The following SLIT3 variants were observed in gnomAD, a reference collection of about 807,000 sequenced individuals.
SLIT3 encodes slit homolog 3 protein.
In SLIT3, 68 loss-of-function variants were observed where a neutral mutation model predicts 184.0. The observed-to-expected ratio is 0.37, with a 90% CI of 0.30 to 0.45. SLIT3 has a LOEUF of 0.45. Among genes scored for constraint, SLIT3 ranks in the 20% least tolerant of loss-of-function variants. The probability of loss-of-function intolerance (pLI) is 1.00; values close to 1 mark genes in which losing one functional copy is unlikely to be tolerated. For missense variants in SLIT3, 1,707 were observed against 2,026.0 expected (o/e 0.84, Z 3.02); for synonymous variants, 831 against 828.6 (o/e 1.00, Z -0.05).
intron 4 of SLIT3, among the ~76,000 whole-genome samples, chr5:169,146,464 T>G (rs1293925211): frequency 6.6e-6 from 1 of 152,176 alleles, no homozygotes. Flanking sequence ...TCACTTCATT[T>G]CCCCTGGTTC....
intron 16 of SLIT3, 107 bp from the exon 17 acceptor site, chr5:168,754,114 A>AGACT: frequency 1.7e-6 from 2 of 1,178,120 alleles, no homozygotes; most frequent in African/African-American, 3.0e-5. Context: ...GGGGCCCCTG[A>AGACT]GACTGAGGAC....
In SLIT3 at chr5:168,913,819, C is replaced by T. The variant is rs552753171; in HGVS notation, c.414-30483G>A. The stretch of plus-strand genomic sequence containing the variant: ...GAAAAGTAAAACCCATATCTTTCTC[C>T]CCCACTCTGACCTCTGGTCTCTTCC... On this transcript the variant is annotated intron_variant, in intron 4 of 35. Transcript: ENST00000519560. Among the ~76,000 whole-genome samples the T allele has an allele frequency of 3.3e-5, 5 of 152,074 alleles. No homozygotes were observed. In the South Asian group the frequency reaches 1.0e-3, roughly 32 times the overall value.
intron 32 of SLIT3, among the ~76,000 whole-genome samples, chr5:168,676,641 A>C (rs1388763187): frequency 6.6e-6 from 1 of 152,228 alleles, no homozygotes; most frequent in African/African-American, 2.4e-5. Context: ...CCACACATGC[A>C]AAAATATGCA....
At chr5:169,284,589 C>T (rs1449483067) in intron 1 of SLIT3, among the ~76,000 whole-genome samples, 1 of 152,166 alleles carries the variant, frequency 6.6e-6, no homozygotes, top group East Asian at 1.9e-4. Context: ...TTCACAATAA[C>T]CCTACAAGAC....
At chr5:169,056,767 C>T (rs1001583997) in intron 4 of SLIT3, among the ~76,000 whole-genome samples, 3 of 152,198 alleles carry the variant, frequency 2.0e-5, no homozygotes, top group African/African-American at 4.8e-5. Flanking sequence ...GCGGAGCTGA[C>T]GGTGCCCTGT....
At chr5:169,006,342 A>C (rs1354255772) in intron 4 of SLIT3, among the ~76,000 whole-genome samples, 3 of 152,200 alleles carry the variant, frequency 2.0e-5, no homozygotes, top group Non-Finnish European at 4.4e-5. Flanking sequence ...GAGAGTTGGC[A>C]GATCTGGATT....
chr5:168,694,084 T>C lies in SLIT3; in HGVS notation c.3083-1384A>G, dbSNP rs141451227. ...CAGTTGTGGAGATTAAATGAGATTA[T>C]ACAAGCACTCACTCTCAGGACCAAA... On this transcript the variant is annotated intron_variant, in intron 28 of 35. Coordinates refer to ENST00000519560, the MANE Select transcript of SLIT3 (RefSeq NM_003062.4). 4.2e-3 allele frequency among the ~76,000 whole-genome samples: 642 copies of C among 152,274 alleles called. 5 individuals carry two copies. Among genetic ancestry groups the C allele is most frequent in the African/African-American group, 0.014 (586 of 41,550 alleles).
At chr5:169,116,678 C>G (rs1436127401) in intron 4 of SLIT3, among the ~76,000 whole-genome samples, 1 of 152,182 alleles carries the variant, frequency 6.6e-6, no homozygotes, top group Non-Finnish European at 1.5e-5. Flanking sequence ...TTTCCTTCTA[C>G]CACAAGTGTT....
intron 4 of SLIT3, among the ~76,000 whole-genome samples, chr5:168,899,854 T>G (rs1760806050): frequency 6.6e-6 from 1 of 152,110 alleles, no homozygotes; most frequent in African/African-American, 2.4e-5. Flanking sequence ...CTGTGCTCTG[T>G]GATGTCCCTG....
At chr5:169,218,227 T>A (rs1490862201) in intron 3 of SLIT3, among the ~76,000 whole-genome samples, 3 of 152,218 alleles carry the variant, frequency 2.0e-5, no homozygotes, top group Non-Finnish European at 2.9e-5. Context: ...CTTTGCTTAA[T>A]CATCATTATC....
intron 20 of SLIT3, among the ~76,000 whole-genome samples, chr5:168,742,411 T>G: frequency 6.9e-6 from 1 of 144,006 alleles, no homozygotes; most frequent in Non-Finnish European, 1.5e-5. Flanking sequence ...AGGAGTGGGG[T>G]GAAATGGAAG....
At chr5:169,242,360 G>A (rs1166473464) in intron 3 of SLIT3, among the ~76,000 whole-genome samples, 6 of 152,168 alleles carry the variant, frequency 3.9e-5, no homozygotes, top group Non-Finnish European at 8.8e-5. Context: ...CACTAAGCCT[G>A]TTTCCTCTAC....
At chr5:168,858,239 G>A (rs1011609426) in intron 5 of SLIT3, among the ~76,000 whole-genome samples, 1 of 152,184 alleles carries the variant, frequency 6.6e-6, no homozygotes, top group Non-Finnish European at 1.5e-5. Flanking sequence ...CAAATGGAGC[G>A]ACTCACTGAG....
chr5:169,168,845 G>C (rs565744976), intron 4 of SLIT3, among the ~76,000 whole-genome samples: 12 of 148,578 alleles, frequency 8.1e-5, no homozygotes, highest in African/African-American at 3.0e-4. Context: ...GGGCAAATTG[G>C]GGCAAATTAT....
intron 4 of SLIT3, among the ~76,000 whole-genome samples, chr5:169,052,089 C>T (rs937224452): frequency 6.6e-6 from 1 of 150,672 alleles, no homozygotes; most frequent in East Asian, 2.0e-4. Context: ...AACTTCTTCA[C>T]AGAAATGCGT....
chr5:168,669,637 G>T, intron 35 of SLIT3, 146 bp downstream of exon 35: 1 of 664,032 alleles, frequency 1.5e-6, no homozygotes, highest in Non-Finnish European at 2.7e-6. Flanking sequence ...CCGTTTTCAA[G>T]TTGAGGGAAT....
intron 10 of SLIT3, chr5:168,791,502 G>A (rs923748479): frequency 3.9e-5 from 6 of 152,212 alleles, no homozygotes; most frequent in African/African-American, 1.4e-4. Flanking sequence ...TATTTAGGCT[G>A]GTTCAAAGGT....
chr5:168,856,821 G>GCA (rs1758897444), intron 5 of SLIT3, among the ~76,000 whole-genome samples: 2 of 149,702 alleles, frequency 1.3e-5, no homozygotes, highest in African/African-American at 5.0e-5. Context: ...GCGCGCGCAC[G>GCA]CCTTTGTTCA....
At chr5:169,011,411 T>TA (rs1756147766) in intron 4 of SLIT3, among the ~76,000 whole-genome samples, 1 of 152,148 alleles carries the variant, frequency 6.6e-6, no homozygotes, top group Non-Finnish European at 1.5e-5. Context: ...AGCTTTGGTT[T>TA]ATCATCTTCC....
Sources: gnomAD v4.1 joint callset for allele counts (sites outside exome capture counted in the v4.1 genomes callset) on GRCh38, gnomAD v4.1.1 for gene constraint, MANE v1.5 for transcripts, NCBI Gene and HGNC (gene_info 2026-07-23, HGNC 2026-07-21) for gene names.